CANX: variants seen among roughly 807,000 people sequenced by gnomAD.
CANX encodes the protein calnexin.
CANX carries 14 observed loss-of-function variants against 75.7 expected under a neutral mutation model. The observed-to-expected ratio is 0.19, with a 90% CI of 0.12 to 0.29. The LOEUF (loss-of-function observed/expected upper bound fraction) is 0.29, where lower values mean the gene tolerates loss of function less well. Ranked by LOEUF, CANX falls within the 10% of genes least tolerant of loss-of-function variation. CANX has a pLI of 1.00. For missense variants in CANX, 567 were observed against 713.2 expected (o/e 0.79, Z 2.34); for synonymous variants, 227 against 236.9 (o/e 0.96, Z 0.38).
At chr5:179,690,799 T>A (rs1776287517) in intron 1 of CANX, among the ~76,000 whole-genome samples, 1 of 149,492 alleles carries the variant, frequency 6.7e-6, no homozygotes, top group Admixed American at 6.7e-5. Flanking sequence ...TGAGACATGA[T>A]AGTCACTTGA....
chr5:179,707,489 C>T (rs1375934329), intron 4 of CANX, among the ~76,000 whole-genome samples: 3 of 147,954 alleles, frequency 2.0e-5, no homozygotes, highest in African/African-American at 7.5e-5. Flanking sequence ...GAGGCTGAGG[C>T]AGGAGAATGG....
At chr5:179,694,855 A>T (rs1351326253), upstream of CANX, 13 of 411,818 alleles carry the variant, frequency 3.2e-5, no homozygotes, top group Non-Finnish European at 5.4e-5. Flanking sequence ...TTCTCCTTCA[A>T]GCAAAAGGTA....
At chr5:179,716,374 G>A (rs1354994872) in intron 8 of CANX, 80 bp downstream of exon 8, 1 of 995,046 alleles carries the variant, frequency 1.0e-6, no homozygotes, top group African/African-American at 1.6e-5. Flanking sequence ...AATGTTGGTT[G>A]AGTAAGCTCT....
At chr5:179,685,353 C>A (rs1167728018) in intron 1 of CANX, among the ~76,000 whole-genome samples, 7 of 150,542 alleles carry the variant, frequency 4.6e-5, no homozygotes, top group Non-Finnish European at 7.4e-5. Context: ...TGGCTCACTG[C>A]AACCTCCACC....
At chr5:179,686,244 C>T (rs921975066) in intron 1 of CANX, among the ~76,000 whole-genome samples, 6 of 129,566 alleles carry the variant, frequency 4.6e-5, no homozygotes, top group East Asian at 2.6e-4. Flanking sequence ...ATTACAGGCA[C>T]GCGCCACCAC....
chr5:179,681,941 G>A (rs1355190241), intron 1 of CANX, among the ~76,000 whole-genome samples: 2 of 102,870 alleles, frequency 1.9e-5, no homozygotes, highest in African/African-American at 7.3e-5. Context: ...GAGACCCTGT[G>A]TTTAAAAAAA....
chr5:179,690,447 G>A (rs191489783), intron 1 of CANX, among the ~76,000 whole-genome samples: 11 of 151,972 alleles, frequency 7.2e-5, no homozygotes, highest in Admixed American at 5.3e-4. Context: ...GTGGTGGTAC[G>A]CACCTGTAAT....
At chr5:179,721,701 A>T (rs1778321160) in intron 10 of CANX, among the ~76,000 whole-genome samples, 1 of 152,182 alleles carries the variant, frequency 6.6e-6, no homozygotes. Flanking sequence ...GTACACCCTC[A>T]GACCTTTGTT....
intron 10 of CANX, among the ~76,000 whole-genome samples, chr5:179,722,297 AGTT>A (rs1303337692): frequency 1.3e-5 from 2 of 152,180 alleles, no homozygotes; most frequent in Non-Finnish European, 2.9e-5. Context: ...GTTGCCCTTT[AGTT>A]GTTCTCCTGT....
chr5:179,694,420 C>A (rs1458064277), upstream of CANX: 20 of 634,150 alleles, frequency 3.2e-5, no homozygotes, highest in Non-Finnish European at 5.7e-5. Context: ...ATGAAGGGAC[C>A]AGCTAAGGGA....
At chr5:179,712,858 G>T (rs1187730411) in intron 7 of CANX, among the ~76,000 whole-genome samples, 1 of 151,608 alleles carries the variant, frequency 6.6e-6, no homozygotes, top group Non-Finnish European at 1.5e-5. Flanking sequence ...TGAGTAGCTG[G>T]GATTACAGGC....
chr5:179,714,777 A>G (rs572090879), intron 7 of CANX, among the ~76,000 whole-genome samples: 41 of 152,042 alleles, frequency 2.7e-4, no homozygotes, highest in Non-Finnish European at 4.9e-4. Flanking sequence ...TCGGCCTCCC[A>G]AAGTGCTGGG....
At chr5:179,711,475 G>A (rs1374782385) in intron 7 of CANX, among the ~76,000 whole-genome samples, 1 of 152,024 alleles carries the variant, frequency 6.6e-6, no homozygotes, top group African/African-American at 2.4e-5. Flanking sequence ...ACTGAGGTTC[G>A]AGATAATTTT....
chr5:179,686,139 C>T (rs1383020822), intron 1 of CANX, among the ~76,000 whole-genome samples: 30 of 132,370 alleles, frequency 2.3e-4, no homozygotes, highest in South Asian at 5.4e-4. Flanking sequence ...CGCTCTGTCA[C>T]CAGGCTGGAG....
At chr5:179,701,162 G>A (rs1263176710) in intron 1 of CANX, among the ~76,000 whole-genome samples, 5 of 151,644 alleles carry the variant, frequency 3.3e-5, no homozygotes, top group Non-Finnish European at 7.4e-5. Context: ...CACTGCGCCC[G>A]GCCCAGTGTG....
chr5:179,722,821 G>A lies in CANX; in HGVS notation c.1200G>A (p.Arg400=). 2 of 1,611,302 alleles carry A rather than the reference G, an allele frequency of 1.2e-6. No homozygotes were observed. The highest frequency in any genetic ancestry group is 1.7e-6 in the Non-Finnish European group (2 of 1,177,912). ...NPSYQGIWKP[R]KIPNPDFFED... ...TTTTCTAGGGAATCTGGAAACCCAG[G>A]AAAATACCAAATCCAGATTTCTTTG... Residue 400 remains arginine (R), a synonymous_variant, in exon 11 of 15, where the codon AGG becomes AGA. Coordinates refer to ENST00000247461, the MANE Select transcript of CANX (RefSeq NM_001746.4).
intron 1 of CANX, among the ~76,000 whole-genome samples, chr5:179,688,947 T>A (rs116461410): frequency 0.015 from 2,253 of 149,354 alleles, 50 homozygotes; most frequent in African/African-American, 0.05. Flanking sequence ...AGACACTATC[T>A]CAAAAAAACA....
chr5:179,722,947 T>G lies in CANX; in HGVS notation c.1326T>G (p.Ala442=), dbSNP rs1175348521. The G allele has an allele frequency of 1.9e-6, 3 of 1,614,100 alleles. No individual in the cohort carries two copies. The highest frequency in any genetic ancestry group is 1.7e-6 in the Non-Finnish European group (2 of 1,180,036). The change falls in exon 11 of 15, where the codon GCT becomes GCG. Residue 442 remains alanine, a synonymous_variant. Transcript: ENST00000247461. The part of the protein sequence containing the change: ...DIFFDNFIIC[A]DRRIVDDWAN... ...TTTTTGACAACTTTATCATTTGTGC[T>G]GATCGAAGAATAGTTGATGATTGGG...
intron 7 of CANX, 45 bp downstream of exon 7, chr5:179,710,110 A>G (rs1581861185): frequency 8.8e-7 from 1 of 1,137,138 alleles, no homozygotes. Context: ...TTACATATAT[A>G]TCATCCATTT....
Sources: allele counts gnomAD v4.1 joint callset (sites outside exome capture counted in the v4.1 genomes callset), GRCh38; gene constraint gnomAD v4.1.1; transcripts MANE v1.5; gene names NCBI Gene and HGNC (gene_info 2026-07-23, HGNC 2026-07-21).